The following C8orf34 variants were observed in gnomAD, a reference collection of about 807,000 sequenced individuals.
C8orf34 encodes chromosome 8 open reading frame 34.
In C8orf34, 65 loss-of-function variants were observed where a neutral mutation model predicts 68.3. That is an observed-to-expected ratio of 0.95 (90% CI 0.78 to 1.17). C8orf34 has a LOEUF of 1.17. Among genes scored for constraint, C8orf34 ranks in the 50% most tolerant of loss-of-function variants. The pLI, the probability that C8orf34 is intolerant of heterozygous loss-of-function variation, is 0.00. For synonymous variants in C8orf34, 244 were observed against 241.2 expected (o/e 1.01, Z -0.11); for missense variants, 664 against 655.4 (o/e 1.01, Z -0.14).
chr8:68,717,914 T>C (rs1821523709), intron 9 of C8orf34, among the ~76,000 whole-genome samples: 1 of 152,176 alleles, frequency 6.6e-6, no homozygotes, highest in African/African-American at 2.4e-5. Context: ...CAATGAACAT[T>C]AAGTAATGTG....
chr8:68,704,299 C>T (rs1006915007), intron 8 of C8orf34, among the ~76,000 whole-genome samples: 5 of 151,868 alleles, frequency 3.3e-5, no homozygotes, highest in African/African-American at 1.2e-4. Flanking sequence ...TAGAAATAAG[C>T]CAAATAGTAA....
chr8:68,698,065 A>G (rs1336938584), intron 8 of C8orf34, among the ~76,000 whole-genome samples: 2 of 151,956 alleles, frequency 1.3e-5, no homozygotes, highest in South Asian at 2.1e-4. Context: ...ACAATTTACA[A>G]CTTTCTAAAG....
intron 10 of C8orf34, among the ~76,000 whole-genome samples, chr8:68,767,667 A>C (rs1307374916): frequency 6.6e-6 from 1 of 152,144 alleles, no homozygotes; most frequent in African/African-American, 2.4e-5. Context: ...ATGGGATCTC[A>C]CTGTTATTCA....
chr8:68,462,534 G>T (rs896901468), intron 3 of C8orf34, among the ~76,000 whole-genome samples: 2 of 151,382 alleles, frequency 1.3e-5, no homozygotes, highest in Middle Eastern at 3.2e-3. Flanking sequence ...TGACCACATA[G>T]TTGGAAGTAA....
rs980387721 is a variant in C8orf34 at position 68,707,667 on chromosome 8, C to T, written c.1242-1327C>T. 3.3e-5 allele frequency among the ~76,000 whole-genome samples: 5 copies of T among 152,050 alleles called. No homozygotes were observed. In the South Asian group the frequency reaches 6.2e-4, roughly 19 times the overall value. ...CATGGCTCACTGCAGACTCAAACTC[C>T]TGGCCTCAAGTGATCCACCTGCCTT... On this transcript the variant is annotated intron_variant, in intron 8 of 13. Transcript: ENST00000518698.
At chr8:68,707,698 C>T (rs1268645923) in intron 8 of C8orf34, among the ~76,000 whole-genome samples, 1 of 152,096 alleles carries the variant, frequency 6.6e-6, no homozygotes, top group Non-Finnish European at 1.5e-5. Flanking sequence ...GCCTTAGCCT[C>T]CCGAAGTGCT....
At chr8:68,403,197 G>T (rs1001156674) in intron 1 of C8orf34, among the ~76,000 whole-genome samples, 1 of 152,124 alleles carries the variant, frequency 6.6e-6, no homozygotes, top group East Asian at 1.9e-4. Flanking sequence ...CATAGGGGAG[G>T]CCAGTGGAAG....
At chr8:68,715,037 A>G (rs1257159254) in intron 9 of C8orf34, among the ~76,000 whole-genome samples, 1 of 152,158 alleles carries the variant, frequency 6.6e-6, no homozygotes, top group East Asian at 1.9e-4. Context: ...GGGACACCCT[A>G]TTCAATAAAT....
chr8:68,802,042 A>C (rs1187865832), intron 12 of C8orf34, among the ~76,000 whole-genome samples: 1 of 152,198 alleles, frequency 6.6e-6, no homozygotes, highest in Admixed American at 6.5e-5. Flanking sequence ...AAGTGGCTTT[A>C]GCATTATATT....
chr8:68,437,206 T>C (rs183093826), intron 1 of C8orf34, among the ~76,000 whole-genome samples: 1 of 152,340 alleles, frequency 6.6e-6, no homozygotes, highest in East Asian at 1.9e-4. Flanking sequence ...AGTAATTACT[T>C]GGTTTATTAT....
In C8orf34 at chr8:68,601,076, T is replaced by C. The variant is rs550826874; in HGVS notation, c.1106-39300T>C. ...CTTTGCTTTCATCACTTGACAAATG[T>C]ATGTCCCATTCTTCTAGCCTTCATG... is the stretch of plus-strand genomic sequence containing the variant. On this transcript the variant is annotated intron_variant, in intron 7 of 13. Transcript: ENST00000518698. 3.3e-5 allele frequency among the ~76,000 whole-genome samples: 5 copies of C among 152,346 alleles called. No homozygotes were observed. The South Asian group carries it at 1.0e-3, about 32-fold the overall frequency.
intron 1 of C8orf34, among the ~76,000 whole-genome samples, chr8:68,349,413 A>G (rs1178519998): frequency 6.6e-6 from 1 of 152,090 alleles, no homozygotes; most frequent in Non-Finnish European, 1.5e-5. Flanking sequence ...GATATTCATC[A>G]AGGATATTGG....
chr8:68,460,910 T>A (rs575274807), intron 3 of C8orf34, among the ~76,000 whole-genome samples: 1 of 152,184 alleles, frequency 6.6e-6, no homozygotes, highest in Non-Finnish European at 1.5e-5. Context: ...AGGAACGCAG[T>A]TCCTCACCAG....
At chr8:68,528,119 C>T (rs979956179) in intron 6 of C8orf34, among the ~76,000 whole-genome samples, 3 of 152,198 alleles carry the variant, frequency 2.0e-5, no homozygotes, top group Middle Eastern at 3.2e-3. Flanking sequence ...TGTAACTCTC[C>T]CCAGTAGCTT....
At chr8:68,643,846 C>T (rs1819087021) in intron 8 of C8orf34, among the ~76,000 whole-genome samples, 1 of 152,174 alleles carries the variant, frequency 6.6e-6, no homozygotes, top group Non-Finnish European at 1.5e-5. Context: ...TCTATCTTCT[C>T]TTAAAAATCA....
chr8:68,467,097 G>T (rs758967878), intron 3 of C8orf34, among the ~76,000 whole-genome samples: 1 of 151,706 alleles, frequency 6.6e-6, no homozygotes, highest in Non-Finnish European at 1.5e-5. Context: ...TCAAACATAA[G>T]GTTCTCTTCC....
chr8:68,725,103 G>T (rs1821791041), intron 10 of C8orf34, among the ~76,000 whole-genome samples: 1 of 152,104 alleles, frequency 6.6e-6, no homozygotes, highest in African/African-American at 2.4e-5. Context: ...CTGGATTCAG[G>T]CAATCCTCCT....
intron 3 of C8orf34, among the ~76,000 whole-genome samples, chr8:68,452,441 A>T (rs1454986386): frequency 6.6e-6 from 1 of 151,264 alleles, no homozygotes; most frequent in Non-Finnish European, 1.5e-5. Context: ...TTCCTTTTTT[A>T]AAAAAATTTA....
chr8:68,810,639 C>T (rs968052001), intron 12 of C8orf34, among the ~76,000 whole-genome samples: 8 of 152,204 alleles, frequency 5.3e-5, no homozygotes, highest in Non-Finnish European at 8.8e-5. Flanking sequence ...AAATGAGGTA[C>T]GCATACAACT....
Sources: gnomAD v4.1 joint callset for allele counts (sites outside exome capture counted in the v4.1 genomes callset) on GRCh38, gnomAD v4.1.1 for gene constraint, MANE v1.5 for transcripts, NCBI Gene and HGNC (gene_info 2026-07-23, HGNC 2026-07-21) for gene names.